Variants in DDX60 observed in about 807,000 individuals in gnomAD.
The protein encoded by DDX60 is DExD/H-box helicase 60.
A neutral mutation model predicts 212.8 loss-of-function variants in DDX60; 165 were observed. That is an observed-to-expected ratio of 0.78 (90% CI 0.68 to 0.88). DDX60 has a LOEUF of 0.88. Among genes scored for constraint, DDX60 ranks in the 40% least tolerant of loss-of-function variants. DDX60 has a pLI of 0.00. For synonymous variants in DDX60, 703 were observed against 685.3 expected, an observed-to-expected ratio of 1.03 and a Z score of -0.40; for missense variants, 1,905 against 2,003.9, an observed-to-expected ratio of 0.95 and a Z score of 0.94.
upstream of DDX60, among the ~76,000 whole-genome samples, chr4:168,323,793 G>C (rs954458191): frequency 6.6e-6 from 1 of 152,176 alleles, no homozygotes; most frequent in Non-Finnish European, 1.5e-5. Flanking sequence ...TTATGTAACA[G>C]TGGACAGATG....
At position 168,260,863 on chromosome 4, in the gene DDX60, AC is replaced by A; in HGVS notation, c.3398+1del. 1 of 1,597,498 alleles carries A rather than the reference AC, an allele frequency of 6.3e-7. No individual in the cohort carries two copies. Among genetic ancestry groups the A allele is most frequent in the Non-Finnish European group, 8.5e-7 (1 of 1,170,122 alleles). On this transcript the variant is annotated splice_donor_variant, in intron 25 of 37. Coordinates refer to ENST00000393743, the MANE Select transcript of DDX60 (RefSeq NM_017631.6). LOFTEE classifies it high-confidence loss of function. ...AAAACCAAATTAAATTAAATAACTTACAAAAAAAATAGTGCAGGTAACTTCT... is the reference window on the plus strand; with the variant it reads ...AAAACCAAATTAAATTAAATAACTTAAAAAAAAATAGTGCAGGTAACTTCT...
chr4:168,251,451 G>T (rs1734217233), intron 27 of DDX60, among the ~76,000 whole-genome samples: 1 of 152,224 alleles, frequency 6.6e-6, no homozygotes, highest in African/African-American at 2.4e-5. Flanking sequence ...CCAACAGGGA[G>T]AATTCTCCAA....
Position 168,225,624 on chromosome 4 carries a change from T to C in DDX60, c.4586A>G (p.Asn1529Ser). The stretch of plus-strand genomic sequence containing the variant: ...GGTAAAGTCCTCCATAATTTTCATG[T>C]TATATTCATCTAAAGCATCACTAAA... ...EDFSDALDEY[N>S]MKIMEDFTTF... The change falls in exon 34 of 38, where the codon AAC becomes AGC. Residue 1529 changes from asparagine to serine, a missense_variant. Coordinates refer to ENST00000393743, the MANE Select transcript of DDX60 (RefSeq NM_017631.6). The C allele has an allele frequency of 6.2e-7, 1 of 1,611,948 alleles. No homozygotes were observed. Among genetic ancestry groups the C allele is most frequent in the Non-Finnish European group, 8.5e-7 (1 of 1,178,928 alleles).
chr4:168,276,086 G>A lies in DDX60; in HGVS notation c.2074C>T (p.Arg692Trp), dbSNP rs140580597. 4.5e-5 allele frequency: 72 copies of A among 1,613,664 alleles called. No homozygotes were observed. The African/African-American group carries it at 6.3e-4, about 14-fold the overall frequency. Reference sequence around the variant, plus strand: ...TTAAGGCATCTGGCTATGAGTTGCCGATCATCTTCTTGTAAAAGTTCTGAG... The same window carrying A: ...TTAAGGCATCTGGCTATGAGTTGCCAATCATCTTCTTGTAAAAGTTCTGAG... ...KYSELLQEDD[R>W]QLIARCLKYL... The change falls in exon 15 of 38, where the codon CGG becomes TGG. Residue 692 changes from arginine to tryptophan, a missense_variant. By Grantham distance (101) the Arg-to-Trp change is moderately radical. Transcript: ENST00000393743.
At chr4:168,287,705 C>T (rs1022229027) in intron 9 of DDX60, among the ~76,000 whole-genome samples, 29 of 151,828 alleles carry the variant, frequency 1.9e-4, no homozygotes, top group African/African-American at 6.8e-4. Flanking sequence ...TTGTTTTGTT[C>T]GGTTTTACTA....
chr4:168,293,740 A>G (rs1215143170), intron 7 of DDX60, 47 bp downstream of exon 7: 1 of 1,465,908 alleles, frequency 6.8e-7, no homozygotes. Context: ...CAAAATTTCA[A>G]ATGTGGAGAG....
chr4:168,248,138 A>C, intron 29 of DDX60, 50 bp downstream of exon 29: 30 of 1,197,086 alleles, frequency 2.5e-5, no homozygotes, highest in Non-Finnish European at 3.2e-5. Context: ...TTACTACGCT[A>C]TGGCCATATT....
chr4:168,324,724 A>G, the DDX60 span, among the ~76,000 whole-genome samples: 2 of 152,254 alleles, frequency 1.3e-5, no homozygotes, highest in Non-Finnish European at 2.9e-5. Flanking sequence ...TCTTATACTT[A>G]TGCATGAACC....
rs1467353827 is a variant in DDX60, at chr4:168,237,305, G to C, written c.4392C>G (p.Leu1464=). The C allele has an allele frequency of 8.3e-6, 13 of 1,559,818 alleles. No individual in the cohort carries two copies. Among genetic ancestry groups the C allele is most frequent in the Non-Finnish European group, 1.1e-5 (13 of 1,153,708 alleles). ...SFLVNGLFHD[L]CQPTRKGSKH... is the part of the protein sequence containing the mutation. ...GCTTACCTTTCCTGGTTGGCTGACA[G>C]AGATCATGGAAGAGTCCATTTACAA... Residue 1464 remains leucine, a synonymous_variant, in exon 32 of 38, where the codon CTC becomes CTG. Coordinates refer to ENST00000393743, the MANE Select transcript of DDX60 (RefSeq NM_017631.6).
rs115563266 is a variant in DDX60, at chr4:168,233,744, C to T, written c.4533+2508G>A. On this transcript the variant is annotated intron_variant, in intron 33 of 37. Coordinates refer to ENST00000393743, the MANE Select transcript of DDX60 (RefSeq NM_017631.6). ...GAGGGGTGAGGAATAAAAGACTACA[C>T]ATTGGGTGCAGTGTACACTGCTTAG... is the stretch of plus-strand genomic sequence containing the variant. 2.9e-3 allele frequency among the ~76,000 whole-genome samples: 445 copies of T among 152,134 alleles called. 1 individual carries two copies. Among genetic ancestry groups the T allele is most frequent in the Non-Finnish European group, 5.3e-3 (358 of 67,942 alleles).
intron 35 of DDX60, among the ~76,000 whole-genome samples, chr4:168,222,454 T>A (rs983729492): frequency 6.6e-6 from 1 of 151,536 alleles, no homozygotes; most frequent in Non-Finnish European, 1.5e-5. Flanking sequence ...TTGGCACAGC[T>A]ATTTTTTTTT....
intron 7 of DDX60, among the ~76,000 whole-genome samples, 192 bp from the exon 8 acceptor site, chr4:168,292,098 G>T (rs1416890670): frequency 7.0e-6 from 1 of 143,656 alleles, no homozygotes; most frequent in East Asian, 2.0e-4. Context: ...ACCCAGGCTG[G>T]AGTGAAGTGG....
chr4:168,217,088 A>G (rs1732874323), intron 37 of DDX60, 56 bp from the exon 38 acceptor site: 3 of 1,177,936 alleles, frequency 2.5e-6, no homozygotes, highest in Admixed American at 2.3e-5. Flanking sequence ...ATATTATAAG[A>G]AAGGCTTTCC....
intron 5 of DDX60, among the ~76,000 whole-genome samples, chr4:168,303,460 G>C (rs1028773238): frequency 2.0e-5 from 3 of 152,136 alleles, no homozygotes; most frequent in Non-Finnish European, 4.4e-5. Context: ...CCTGCTCAGA[G>C]TAGGCAACCA....
intron 8 of DDX60, among the ~76,000 whole-genome samples, chr4:168,291,406 G>T (rs935821217): frequency 2.6e-5 from 4 of 152,164 alleles, no homozygotes; most frequent in African/African-American, 9.6e-5. Flanking sequence ...AGAGTTGAAA[G>T]TAATAAACTA....
At chr4:168,235,299 T>G (rs754677539) in intron 33 of DDX60, among the ~76,000 whole-genome samples, 34 of 152,020 alleles carry the variant, frequency 2.2e-4, no homozygotes, top group Admixed American at 1.4e-3. Context: ...AGTCACCATG[T>G]CTGGCCTATT....
At position 168,297,702 on chromosome 4, in the gene DDX60, G is replaced by A. The variant is rs573730040; in HGVS notation, c.724-3757C>T. The stretch of plus-strand genomic sequence containing the variant: ...TTTGGGAGGCTGGGGCCAGGAGTTC[G>A]AGACCAGCCTAGAAAACATGACAAA... On this transcript the variant is annotated intron_variant, in intron 6 of 37. Transcript: ENST00000393743. 6.0e-4 allele frequency among the ~76,000 whole-genome samples: 91 copies of A among 151,844 alleles called. 1 individual carries two copies. The highest frequency in any genetic ancestry group is 1.1e-3 in the Non-Finnish European group (73 of 67,942).
At position 168,311,011 on chromosome 4, in the gene DDX60, T is replaced by C. The variant is rs1403096143; in HGVS notation, c.61A>G (p.Met21Val). The change falls in exon 3 of 38, where the codon ATG becomes GTG. Residue 21 changes from methionine (M) to valine (V), a missense_variant. Physicochemically the swap from Met to Val is conservative, Grantham distance 21 (BLOSUM62 1). Transcript: ENST00000393743. ...QEMSQLILNE[M>V]PKAEYSSLFN... ...AATAATACTCACTCAGCTTTTGGCA[T>C]TTCATTCAAAATTAACTGGGACATT... 4 of 1,568,860 alleles carry C rather than the reference T, an allele frequency of 2.5e-6. No individual in the cohort carries two copies. Among genetic ancestry groups the C allele is most frequent in the Non-Finnish European group, 3.5e-6 (4 of 1,142,122 alleles).
chr4:168,297,159 T>C (rs971897943), intron 6 of DDX60, among the ~76,000 whole-genome samples: 6 of 151,764 alleles, frequency 4.0e-5, no homozygotes, highest in African/African-American at 1.5e-4. Flanking sequence ...TTCACCTACC[T>C]TGGCCTCCCA....
Sources: gnomAD v4.1 joint callset for allele counts (sites outside exome capture counted in the v4.1 genomes callset) on GRCh38, gnomAD v4.1.1 for gene constraint, MANE v1.5 for transcripts, NCBI Gene and HGNC (gene_info 2026-07-23, HGNC 2026-07-21) for gene names.